TMEM200A: variants seen among roughly 807,000 people sequenced by gnomAD.
TMEM200A encodes the protein two transmembrane C.
A neutral mutation model predicts 24.3 loss-of-function variants in TMEM200A; 12 were observed. The ratio of observed to expected loss-of-function variants is 0.49; its 90% CI spans 0.32 to 0.80. TMEM200A has a LOEUF of 0.80. Ranked by LOEUF, TMEM200A falls within the 30% of genes least tolerant of loss-of-function variation. The probability of loss-of-function intolerance (pLI) is 0.04; values close to 1 mark genes in which losing one functional copy is unlikely to be tolerated. For synonymous variants in TMEM200A, 224 were observed against 224.4 expected, an observed-to-expected ratio of 1.00 and a Z score of 0.02; for missense variants, 545 against 614.4, an observed-to-expected ratio of 0.89 and a Z score of 1.19.
At chr6:130,435,803 C>T (rs1231030661) in intron 2 of TMEM200A, among the ~76,000 whole-genome samples, 1 of 152,196 alleles carries the variant, frequency 6.6e-6, no homozygotes, top group African/African-American at 2.4e-5. Flanking sequence ...TAAGTCACGG[C>T]CCTGCCCTGT....
At chr6:130,383,494 G>GT (rs199929707) in intron 1 of TMEM200A, among the ~76,000 whole-genome samples, 4,144 of 152,252 alleles carry the variant, frequency 0.027, 74 homozygotes, top group Non-Finnish European at 0.041. Context: ...CAAATAATCT[G>GT]GTTCCCATAG....
At chr6:130,398,120 C>T (rs1389408499) in intron 2 of TMEM200A, among the ~76,000 whole-genome samples, 1 of 151,918 alleles carries the variant, frequency 6.6e-6, no homozygotes, top group African/African-American at 2.4e-5. Context: ...CCGTGTTTCC[C>T]TCCCACCCTT....
rs1448515074 is a variant in TMEM200A at position 130,373,143 on chromosome 6, TC to T, written c.-81+6620del. Among the ~76,000 whole-genome samples the T allele has an allele frequency of 3.9e-5, 6 of 152,344 alleles. 1 individual carries two copies. The South Asian group carries it at 1.2e-3, about 32-fold the overall frequency. The stretch of plus-strand genomic sequence containing the variant: ...GAATCCAAAGAATCTCAGTACTGTC[TC>T]TAAGCTGAGGTTGGCATAGGAGAGA... On this transcript the variant is annotated intron_variant, in intron 1 of 2. Coordinates refer to ENST00000296978, the MANE Select transcript of TMEM200A (RefSeq NM_001258277.2).
Position 130,442,007 on chromosome 6 carries a change from G to T in TMEM200A, c.*109G>T. 8.6e-7 allele frequency: 1 copy of T among 1,164,942 alleles called. No individual in the cohort carries two copies. Among genetic ancestry groups the T allele is most frequent in the Non-Finnish European group, 1.2e-6 (1 of 838,688 alleles). The allele number at this position is 1,164,942 out of a possible 1,614,324, so 72.2% of individuals were successfully genotyped here. A position where few individuals can be genotyped will look rare whatever the true frequency, so the allele number is the denominator to read the frequency against. On this transcript the variant is annotated 3_prime_UTR_variant, in exon 3 of 3. Transcript: ENST00000296978. ...AGCCTTTTTAATCAAATGGTTTGTA[G>T]TGTATTAGAATTGGCTGCTTAGTTC...
chr6:130,441,034 A>C lies in TMEM200A; in HGVS notation c.612A>C (p.Arg204Ser), dbSNP rs13214707. 1.2e-6 allele frequency: 2 copies of C among 1,613,986 alleles called. No individual in the cohort carries two copies. Among genetic ancestry groups the C allele is most frequent in the South Asian group, 2.2e-5 (2 of 91,064 alleles). ...AGAATGGGAGCTCCTGTGCCTCGAG[A>C]TTGGCAGCAAATACGATCGCCTCTT... ...VKQNGSSCASRLAANTIASFS... is the reference protein window; with the variant it reads ...VKQNGSSCASSLAANTIASFS... The change falls in exon 3 of 3, where the codon AGA (arginine) becomes AGC (serine). Residue 204 changes from arginine to serine, a missense_variant. By Grantham distance (110) the Arg-to-Ser change is moderately radical. Transcript: ENST00000296978.
chr6:130,376,958 AAC>A lies in TMEM200A; in HGVS notation c.-80-8211_-80-8210del, dbSNP rs545164225. 1.2e-4 allele frequency among the ~76,000 whole-genome samples: 18 copies of A among 152,364 alleles called. 1 individual carries two copies. In the East Asian group the frequency reaches 3.3e-3, roughly 28 times the overall value. ...GCATAATTGAATATAAGACAATAAT[AAC>A]ACAAAATTAATGATGCTTGTTAATG... On this transcript the variant is annotated intron_variant, in intron 1 of 2. Transcript: ENST00000296978.
chr6:130,398,603 A>G (rs1173431927), intron 2 of TMEM200A, among the ~76,000 whole-genome samples: 1 of 152,100 alleles, frequency 6.6e-6, no homozygotes, highest in African/African-American at 2.4e-5. Flanking sequence ...TACCACCAGT[A>G]GTGTATAACT....
At chr6:130,382,192 TGACCACCTTAGGAG>T (rs991492147) in intron 1 of TMEM200A, among the ~76,000 whole-genome samples, 1 of 152,194 alleles carries the variant, frequency 6.6e-6, no homozygotes, top group African/African-American at 2.4e-5. Flanking sequence ...TAGGGCAGCA[TGACCACCTTAGGAG>T]GTTGGTGGGG....
In TMEM200A at chr6:130,397,954, A is replaced by C. The variant is rs967625130; in HGVS notation, c.-17+12718A>C. On this transcript the variant is annotated intron_variant, in intron 2 of 2. Transcript: ENST00000296978. ...ATTTTTACATGAATTATTTTTCTTT[A>C]TAAACGTTTCTTTTTTCTCTCTCAA... 6.6e-5 allele frequency among the ~76,000 whole-genome samples: 10 copies of C among 151,600 alleles called. No individual in the cohort carries two copies. In the South Asian group the frequency reaches 1.5e-3, roughly 22 times the overall value.
At chr6:130,365,629 G>A, upstream of TMEM200A, 1 of 985,474 alleles carries the variant, frequency 1.0e-6, no homozygotes. Context: ...CTCGGTAACC[G>A]GTGGTCCCGC....
intron 2 of TMEM200A, among the ~76,000 whole-genome samples, chr6:130,426,983 T>C (rs529328993): frequency 2.6e-5 from 4 of 152,336 alleles, no homozygotes; most frequent in Admixed American, 6.5e-5. Context: ...AGTCTTTCTT[T>C]CCTGAACTTA....
At chr6:130,388,345 A>G (rs1778758889) in intron 2 of TMEM200A, among the ~76,000 whole-genome samples, 1 of 152,230 alleles carries the variant, frequency 6.6e-6, no homozygotes, top group Admixed American at 6.5e-5. Context: ...CTACAACATT[A>G]GGATATTAGC....
chr6:130,415,025 C>T (rs146102802), intron 2 of TMEM200A, among the ~76,000 whole-genome samples: 11 of 152,158 alleles, frequency 7.2e-5, no homozygotes, highest in African/African-American at 9.6e-5. Context: ...ATTCATAGGA[C>T]GTCAAGTATT....
intron 2 of TMEM200A, among the ~76,000 whole-genome samples, chr6:130,428,050 T>G (rs1488373932): frequency 6.6e-6 from 1 of 152,190 alleles, no homozygotes; most frequent in Non-Finnish European, 1.5e-5. Flanking sequence ...CATGGTTTTA[T>G]CCTGTTATTG....
At chr6:130,437,372 C>T (rs1339049471) in intron 2 of TMEM200A, 1 of 152,134 alleles carries the variant, frequency 6.6e-6, no homozygotes, top group East Asian at 1.9e-4. Flanking sequence ...TAGGAGTTAC[C>T]TCATTCTGTT....
intron 1 of TMEM200A, among the ~76,000 whole-genome samples, chr6:130,374,496 A>G (rs1225443104): frequency 6.6e-6 from 1 of 151,776 alleles, no homozygotes; most frequent in Non-Finnish European, 1.5e-5. Context: ...GCTCACTGCA[A>G]TCTCCGCCTC....
chr6:130,417,412 T>G (rs893196599), intron 2 of TMEM200A, among the ~76,000 whole-genome samples: 5 of 152,180 alleles, frequency 3.3e-5, no homozygotes, highest in African/African-American at 1.2e-4. Context: ...TATCAACAGC[T>G]TTATCTACCC....
At chr6:130,410,722 C>T (rs1779310570) in intron 2 of TMEM200A, among the ~76,000 whole-genome samples, 1 of 152,176 alleles carries the variant, frequency 6.6e-6, no homozygotes, top group Non-Finnish European at 1.5e-5. Flanking sequence ...TGTTAATGAA[C>T]TTATGTTTTA....
At chr6:130,424,278 C>T (rs143961035) in intron 2 of TMEM200A, among the ~76,000 whole-genome samples, 97 of 152,232 alleles carry the variant, frequency 6.4e-4, no homozygotes, top group Middle Eastern at 3.4e-3. Flanking sequence ...GAACAAATTA[C>T]AGACGTTTTC....
Sources: gnomAD v4.1 joint callset for allele counts (sites outside exome capture counted in the v4.1 genomes callset) on GRCh38, gnomAD v4.1.1 for gene constraint, MANE v1.5 for transcripts, NCBI Gene and HGNC (gene_info 2026-07-23, HGNC 2026-07-21) for gene names.